SLC27A4: variants seen among roughly 807,000 people sequenced by gnomAD.
SLC27A4 encodes solute carrier family 27 member 4.
In SLC27A4, 33 loss-of-function variants were observed where a neutral mutation model predicts 64.4. The ratio of observed to expected loss-of-function variants is 0.51; its 90% CI spans 0.39 to 0.68. SLC27A4 has a LOEUF of 0.68. SLC27A4 is among the 30% of genes least tolerant of loss of function. The pLI, the probability that SLC27A4 is intolerant of heterozygous loss-of-function variation, is 0.00. For missense variants in SLC27A4, 824 were observed against 883.5 expected, an observed-to-expected ratio of 0.93 and a Z score of 0.85; for synonymous variants, 377 against 370.0, an observed-to-expected ratio of 1.02 and a Z score of -0.22.
At chr9:128,352,192 C>G (rs1832747115) in intron 6 of SLC27A4, among the ~76,000 whole-genome samples, 1 of 146,902 alleles carries the variant, frequency 6.8e-6, no homozygotes, top group Non-Finnish European at 1.5e-5. Context: ...GAGACTCCGT[C>G]TCAAAAAAAA....
chr9:128,359,264 A>G (rs1832864630), intron 12 of SLC27A4, among the ~76,000 whole-genome samples: 1 of 151,234 alleles, frequency 6.6e-6, no homozygotes, highest in South Asian at 2.1e-4. Context: ...TGAGGCAGGT[A>G]GCTCGCTTGA....
chr9:128,354,899 G>A (rs1832793102), intron 9 of SLC27A4, among the ~76,000 whole-genome samples, 154 bp from the exon 10 acceptor site: 1 of 146,358 alleles, frequency 6.8e-6, no homozygotes, highest in Non-Finnish European at 1.5e-5. Context: ...GTTGCAGTAA[G>A]CCAAGATTGC....
At chr9:128,346,733 G>C (rs1462395533) in intron 3 of SLC27A4, among the ~76,000 whole-genome samples, 1 of 151,588 alleles carries the variant, frequency 6.6e-6, no homozygotes, top group Non-Finnish European at 1.5e-5. Context: ...CGGGTGTGGT[G>C]GCTCATGCCT....
intron 1 of SLC27A4, chr9:128,342,914 T>C: frequency 1.7e-6 from 1 of 604,638 alleles, no homozygotes; most frequent in Non-Finnish European, 2.9e-6. Context: ...CTTCTCACTC[T>C]TGGAATTCCT....
chr9:128,343,061 T>C, intron 1 of SLC27A4, 66 bp from the exon 2 acceptor site: 1 of 1,593,716 alleles, frequency 6.3e-7, no homozygotes, highest in South Asian at 1.1e-5. Flanking sequence ...CCTGGCTGTC[T>C]GGGCTGGGAG....
chr9:128,342,095 A>T (rs764221754), intron 1 of SLC27A4: 101 of 709,826 alleles, frequency 1.4e-4, no homozygotes, highest in Non-Finnish European at 2.3e-4. Context: ...GGGACCCTGG[A>T]TGTCAGAAGA....
intron 12 of SLC27A4, among the ~76,000 whole-genome samples, chr9:128,358,833 G>C (rs942724038): frequency 6.6e-6 from 1 of 152,198 alleles, no homozygotes; most frequent in Non-Finnish European, 1.5e-5. Context: ...GCTCATCTCT[G>C]CTCCACGTGG....
intron 7 of SLC27A4, 37 bp from the exon 8 acceptor site, chr9:128,352,988 C>G: frequency 6.4e-7 from 1 of 1,557,670 alleles, no homozygotes; most frequent in South Asian, 1.1e-5. Context: ...GTGAGGGCAG[C>G]CTCTGGAGCC....
At chr9:128,342,823 A>C (rs769865226) in intron 1 of SLC27A4, 4 of 503,532 alleles carry the variant, frequency 7.9e-6, no homozygotes, top group African/African-American at 3.9e-5. Flanking sequence ...ACTAAGGTCT[A>C]AAATGTGAAA....
intron 4 of SLC27A4, among the ~76,000 whole-genome samples, 163 bp from the exon 5 acceptor site, chr9:128,350,149 G>A (rs892114080): frequency 7.9e-5 from 12 of 152,208 alleles, no homozygotes; most frequent in East Asian, 3.8e-4. Context: ...AATGGATGCC[G>A]GTGTTAGAGC....
intron 1 of SLC27A4, 27 bp from the exon 2 acceptor site, chr9:128,343,100 G>T: frequency 1.2e-6 from 2 of 1,612,074 alleles, no homozygotes; most frequent in Non-Finnish European, 1.7e-6. Flanking sequence ...TGGGTGTTTG[G>T]GTCCACTAAC....
rs1321545342 is a variant in SLC27A4 at position 128,353,410 on chromosome 9, C to T, written c.1198-5C>T. On this transcript the variant is annotated splice_polypyrimidine_tract_variant and splice_region_variant and intron_variant, in intron 8 of 12. Transcript: ENST00000300456. This position sits in a 1 kb window ranked among gnomAD's most constrained non-coding sequence, Gnocchi z 4.9. Reference sequence around the variant, plus strand: ...GAGCCCAGGCCCAAGTCTTGGCCTTCGCAGGTGGGGGCCTGTGGTTTCAAT... The same window carrying T: ...GAGCCCAGGCCCAAGTCTTGGCCTTTGCAGGTGGGGGCCTGTGGTTTCAAT... 25 of 1,614,058 alleles carry T rather than the reference C, an allele frequency of 1.5e-5. No individual in the cohort carries two copies. The highest frequency in any genetic ancestry group is 2.7e-5 in the African/African-American group (2 of 74,908).
chr9:128,351,869 A>G (rs1407841729), intron 6 of SLC27A4, among the ~76,000 whole-genome samples: 1 of 152,048 alleles, frequency 6.6e-6, no homozygotes. Context: ...CCTGGGCAAC[A>G]TGGTGAGACC....
intron 4 of SLC27A4, among the ~76,000 whole-genome samples, chr9:128,349,295 C>T (rs1269025171): frequency 6.6e-6 from 1 of 152,122 alleles, no homozygotes; most frequent in Non-Finnish European, 1.5e-5. Context: ...CTTGGGCTGT[C>T]GAGTCAGATC....
intron 3 of SLC27A4, among the ~76,000 whole-genome samples, chr9:128,348,288 AG>A (rs1429280925): frequency 6.6e-6 from 1 of 152,118 alleles, no homozygotes; most frequent in East Asian, 1.9e-4. Context: ...CATCTGTAAG[AG>A]GGGCTGTCAA....
Position 128,355,649 on chromosome 9 carries a change from G to A in SLC27A4, c.1628-1G>A, listed in dbSNP as rs1454874748. ...CTCAGTGTCTACCCTGCCACCCCCA[G>A]GAACCGAGGGCCGGGCCGGAATGGC... On this transcript the variant is annotated splice_acceptor_variant, in intron 11 of 12. Transcript: ENST00000300456. LOFTEE classifies it high-confidence loss of function. The A allele has an allele frequency of 1.2e-6, 2 of 1,610,046 alleles. No individual in the cohort carries two copies. The highest frequency in any genetic ancestry group is 2.2e-5 in the East Asian group (1 of 44,882).
At position 128,355,156 on chromosome 9, in the gene SLC27A4, T is replaced by A; in HGVS notation, c.1428T>A (p.Asp476Glu). 1 of 1,613,640 alleles carries A rather than the reference T, an allele frequency of 6.2e-7. No individual in the cohort carries two copies. Among genetic ancestry groups the A allele is most frequent in the Non-Finnish European group, 8.5e-7 (1 of 1,179,814 alleles). ...QGANNKKIAK[D>E]VFKKGDQAYL... ...CCAACAACAAGAAGATTGCCAAGGATGTCTTCAAGAAGGGGGACCAGGCCT... is the reference window on the plus strand; with the variant it reads ...CCAACAACAAGAAGATTGCCAAGGAAGTCTTCAAGAAGGGGGACCAGGCCT... The change falls in exon 10 of 13, where the codon GAT (aspartate) becomes GAA (glutamate). Residue 476 changes from aspartate (D) to glutamate (E), a missense_variant. Physicochemically the swap from Asp to Glu is conservative, Grantham distance 45. Coordinates refer to ENST00000300456, the MANE Select transcript of SLC27A4 (RefSeq NM_005094.4).
chr9:128,349,517 C>G (rs1010416536), intron 4 of SLC27A4, among the ~76,000 whole-genome samples: 6 of 152,162 alleles, frequency 3.9e-5, no homozygotes, highest in African/African-American at 1.4e-4. Context: ...GTCATCAGCA[C>G]TGTTTAACTT....
At position 128,355,579 on chromosome 9, in the gene SLC27A4, G is replaced by T. The variant is rs199602284; in HGVS notation, c.1627+17G>T. On this transcript the variant is annotated intron_variant, in intron 11 of 12. Coordinates refer to ENST00000300456, the MANE Select transcript of SLC27A4 (RefSeq NM_005094.4). Reference sequence around the variant, plus strand: ...AGGTGCCAGGTATGTGCAGGCAGGCGCGAGGTGTGGGTAGGGAGGCACCAC... The same window carrying T: ...AGGTGCCAGGTATGTGCAGGCAGGCTCGAGGTGTGGGTAGGGAGGCACCAC... 1.2e-6 allele frequency: 2 copies of T among 1,607,978 alleles called. No individual in the cohort carries two copies. The highest frequency in any genetic ancestry group is 1.7e-6 in the Non-Finnish European group (2 of 1,179,992).
Sources: gnomAD v4.1 joint callset for allele counts (sites outside exome capture counted in the v4.1 genomes callset) on GRCh38, gnomAD v4.1.1 for gene constraint, Gnocchi (gnomAD v3.1) non-coding constraint, MANE v1.5 for transcripts, NCBI Gene and HGNC (gene_info 2026-07-23, HGNC 2026-07-21) for gene names.